The following VCL variants were observed in gnomAD, a reference collection of about 807,000 sequenced individuals.
VCL encodes the protein vinculin.
In VCL, 47 loss-of-function variants were observed where a neutral mutation model predicts 125.7. That is an observed-to-expected ratio of 0.37 (90% confidence interval 0.30 to 0.48). The LOEUF (loss-of-function observed/expected upper bound fraction) is 0.48, where lower values mean the gene tolerates loss of function less well. Among genes scored for constraint, VCL ranks in the 20% least tolerant of loss-of-function variants. VCL has a pLI of 0.99. For synonymous variants in VCL, 458 were observed against 514.6 expected, an observed-to-expected ratio of 0.89 and a Z score of 1.49; for missense variants, 1,069 against 1,455.5, an observed-to-expected ratio of 0.73 and a Z score of 4.32.
At chr10:74,104,302 C>T (rs1478566685) in intron 15 of VCL, among the ~76,000 whole-genome samples, 3 of 152,178 alleles carry the variant, frequency 2.0e-5, no homozygotes, top group African/African-American at 7.2e-5. Flanking sequence ...AGTGGGTTCA[C>T]ATTTCAAGGA....
intron 8 of VCL, among the ~76,000 whole-genome samples, chr10:74,087,319 A>ATTTT (rs376480908): frequency 7.6e-6 from 1 of 130,758 alleles, no homozygotes; most frequent in African/African-American, 2.8e-5. Flanking sequence ...TTATTTATTT[A>ATTTT]TTTTTTTTTT....
intron 13 of VCL, among the ~76,000 whole-genome samples, chr10:74,098,457 G>T (rs887760376): frequency 4.6e-5 from 7 of 152,134 alleles, no homozygotes; most frequent in African/African-American, 1.7e-4. Context: ...ACTTTATTCT[G>T]TCATTGCCTT....
chr10:74,052,356 G>T (rs1841314540), intron 2 of VCL, among the ~76,000 whole-genome samples: 1 of 146,318 alleles, frequency 6.8e-6, no homozygotes. Flanking sequence ...CCAAATAAAT[G>T]ATTCAATTCT....
At chr10:73,998,472 G>C in intron 1 of VCL, 97 bp downstream of exon 1, 1 of 1,239,914 alleles carries the variant, frequency 8.1e-7, no homozygotes. Flanking sequence ...GCTGGCCGTG[G>C]CTTTCCGCGT....
chr10:74,052,459 C>T (rs1284041918), intron 2 of VCL, among the ~76,000 whole-genome samples: 2 of 150,208 alleles, frequency 1.3e-5, no homozygotes, highest in Non-Finnish European at 1.5e-5. Context: ...TCACTGCAAC[C>T]TCCCCCTCTA....
At chr10:74,014,257 G>A (rs889455248) in intron 1 of VCL, among the ~76,000 whole-genome samples, 14 of 151,788 alleles carry the variant, frequency 9.2e-5, no homozygotes, top group Middle Eastern at 3.4e-3. Context: ...TTGGAGACAG[G>A]GTCTCACTCT....
chr10:74,110,774 G>A (rs1330851985), intron 18 of VCL, among the ~76,000 whole-genome samples: 1 of 152,188 alleles, frequency 6.6e-6, no homozygotes, highest in Non-Finnish European at 1.5e-5. Flanking sequence ...ACAGATGTTT[G>A]ATGTAAAGAA....
At chr10:74,060,336 A>G (rs1841460395) in intron 2 of VCL, among the ~76,000 whole-genome samples, 1 of 151,652 alleles carries the variant, frequency 6.6e-6, no homozygotes. Context: ...CTTTTTCTGG[A>G]TATAGTCTAA....
At chr10:74,047,234 C>A (rs1184110568) in intron 2 of VCL, among the ~76,000 whole-genome samples, 1 of 152,142 alleles carries the variant, frequency 6.6e-6, no homozygotes, top group Non-Finnish European at 1.5e-5. Flanking sequence ...GAGGTCGAGG[C>A]TGCAGTGAGC....
chr10:74,018,950 T>G (rs1565635151), intron 1 of VCL, among the ~76,000 whole-genome samples: 1 of 151,778 alleles, frequency 6.6e-6, no homozygotes, highest in Non-Finnish European at 1.5e-5. Flanking sequence ...TGTTTCTTGA[T>G]TTTTTTTTCA....
chr10:74,106,951 A>C (rs574443676), intron 16 of VCL, among the ~76,000 whole-genome samples: 118 of 152,224 alleles, frequency 7.8e-4, no homozygotes, highest in African/African-American at 2.6e-3. Context: ...CCTGAGCCCA[A>C]AGTGTTCATG....
In VCL at chr10:74,097,175, C is replaced by T; in HGVS notation, c.1744-29C>T. ...GATATGCTTTGAGGATGTATCTGGA[C>T]ATTTTCATATGTAAACAATGTTTTT... On this transcript the variant is annotated intron_variant, in intron 12 of 21. Coordinates refer to ENST00000211998, the MANE Select transcript of VCL (RefSeq NM_014000.3). The surrounding 1 kb of genome is among the most constrained non-coding windows in gnomAD (Gnocchi z 4.1). 3.1e-6 allele frequency: 5 copies of T among 1,611,330 alleles called. No individual in the cohort carries two copies. Among genetic ancestry groups the T allele is most frequent in the Non-Finnish European group, 3.4e-6 (4 of 1,178,772 alleles).
At chr10:74,121,063 G>A (rs938582518), downstream of VCL, 2 of 152,170 alleles carry the variant, frequency 1.3e-5, no homozygotes, top group Non-Finnish European at 2.9e-5. Flanking sequence ...ATTTAGTGTT[G>A]CCAACTGCTA....
chr10:74,111,313 G>A (rs1270598546), intron 18 of VCL, among the ~76,000 whole-genome samples: 3 of 152,062 alleles, frequency 2.0e-5, no homozygotes, highest in Non-Finnish European at 2.9e-5. Context: ...TTTGGTATTC[G>A]TTACCTCTGA....
Position 74,112,967 on chromosome 10 carries a change from T to G in VCL, c.2949+855T>G, listed in dbSNP as rs146503277. 2.2e-3 allele frequency among the ~76,000 whole-genome samples: 333 copies of G among 152,282 alleles called. 2 individuals are homozygous for G. The highest frequency in any genetic ancestry group is 7.6e-3 in the African/African-American group (315 of 41,564). On this transcript the variant is annotated intron_variant, in intron 19 of 21. Transcript: ENST00000211998. ...AGAGGACCTTGTCTAACATACCCCT[T>G]GCTTCTTGACTTCTTCCCATACCTG...
chr10:74,120,960 G>A (rs979933822), downstream of VCL: 7 of 152,368 alleles, frequency 4.6e-5, no homozygotes, highest in South Asian at 2.1e-4. Flanking sequence ...AATAGTAGGA[G>A]CAGGTTTTTA....
At chr10:74,057,304 G>A (rs1204388499) in intron 2 of VCL, among the ~76,000 whole-genome samples, 1 of 151,958 alleles carries the variant, frequency 6.6e-6, no homozygotes, top group Non-Finnish European at 1.5e-5. Flanking sequence ...AATTGATAGA[G>A]GCAGTACTTC....
At chr10:74,043,369 G>A (rs773626947) in intron 2 of VCL, among the ~76,000 whole-genome samples, 10 of 149,348 alleles carry the variant, frequency 6.7e-5, no homozygotes, top group Admixed American at 2.0e-4. Context: ...TTTTTGAGAC[G>A]GAGTTTCACC....
intron 5 of VCL, among the ~76,000 whole-genome samples, chr10:74,073,072 C>G (rs1322582874): frequency 2.0e-5 from 3 of 151,936 alleles, no homozygotes; most frequent in Non-Finnish European, 2.9e-5. Flanking sequence ...TTCTGAGTAG[C>G]AGGCACTACA....
Sources: allele counts gnomAD v4.1 joint callset (sites outside exome capture counted in the v4.1 genomes callset), GRCh38; gene constraint gnomAD v4.1.1; non-coding constraint Gnocchi (gnomAD v3.1); transcripts MANE v1.5; gene names NCBI Gene and HGNC (gene_info 2026-07-23, HGNC 2026-07-21).